COMMD7: variants seen among roughly 807,000 people sequenced by gnomAD.
COMMD7 encodes COMM domain-containing protein 7.
COMMD7 carries 28 observed loss-of-function variants against 34.8 expected under a neutral mutation model. That is an observed-to-expected ratio of 0.80 (90% CI 0.60 to 1.10). The LOEUF is 1.10. Among genes scored for constraint, COMMD7 ranks in the 50% least tolerant of loss-of-function variants. The probability of loss-of-function intolerance (pLI) is 0.00; values close to 1 mark genes in which losing one functional copy is unlikely to be tolerated. For missense variants in COMMD7, 211 were observed against 241.6 expected (o/e 0.87, Z 0.84); for synonymous variants, 80 against 86.4 (o/e 0.93, Z 0.41).
chr20:32,714,701 G>A (rs1004618903), intron 3 of COMMD7, among the ~76,000 whole-genome samples: 1 of 152,066 alleles, frequency 6.6e-6, no homozygotes, highest in Non-Finnish European at 1.5e-5. Flanking sequence ...GTGCATGGCT[G>A]TAGTCCCAGC....
chr20:32,737,675 T>A (rs1053541225), intron 1 of COMMD7, among the ~76,000 whole-genome samples: 1 of 149,022 alleles, frequency 6.7e-6, no homozygotes, highest in African/African-American at 2.5e-5. Flanking sequence ...TAAAAAAAAT[T>A]AAAAAATAAA....
intron 3 of COMMD7, among the ~76,000 whole-genome samples, chr20:32,710,563 T>C (rs1450256026): frequency 2.0e-5 from 3 of 151,304 alleles, no homozygotes; most frequent in African/African-American, 4.9e-5. Context: ...AGACCCCATC[T>C]CTACAAAATA....
Position 32,728,135 on chromosome 20 carries a change from G to A in COMMD7, c.92C>T (p.Ser31Leu). ...QLNQLGAQQF[S>L]ALTEVLFHFL... ...GTGGAAAAGCACCTCTGTCAGGGCT[G>A]AGAACTGCTGTGAAGAAAACAACAC... The change falls in exon 2 of 9, where the codon TCA becomes TTA. Residue 31 changes from serine (S) to leucine (L), a missense_variant. Transcript: ENST00000278980. 6.2e-7 allele frequency: 1 copy of A among 1,614,080 alleles called. No individual in the cohort carries two copies. The highest frequency in any genetic ancestry group is 8.5e-7 in the Non-Finnish European group (1 of 1,180,010).
rs529167558 is a variant in COMMD7 at position 32,732,422 on chromosome 20, C to T, written c.85-4280G>A. On this transcript the variant is annotated intron_variant, in intron 1 of 8. Coordinates refer to ENST00000278980, the MANE Select transcript of COMMD7 (RefSeq NM_053041.3). ...AAATTTTTAAAGTGATTATACCCCT[C>T]GACCTAGTAATTCCATTCCATGAAG... 3.9e-5 allele frequency among the ~76,000 whole-genome samples: 6 copies of T among 152,254 alleles called. No homozygotes were observed. The East Asian group carries it at 7.7e-4, about 20-fold the overall frequency.
chr20:32,714,252 T>C (rs902802179), intron 3 of COMMD7, among the ~76,000 whole-genome samples: 8 of 152,218 alleles, frequency 5.3e-5, no homozygotes, highest in Admixed American at 4.6e-4. Flanking sequence ...TACATTTCAT[T>C]GCTGATTATT....
In COMMD7 at chr20:32,743,433, C is replaced by G. The variant is rs1023549681; in HGVS notation, c.-42G>C. On this transcript the variant is annotated 5_prime_UTR_variant, in exon 1 of 9. Coordinates refer to ENST00000278980, the MANE Select transcript of COMMD7 (RefSeq NM_053041.3). ...CCGCAGGTTCCACCGCCGCCGCCGC[C>G]CTGCTCAGCTTCCTCCTCCGCTGCC... The G allele has an allele frequency of 4.7e-6, 6 of 1,278,826 alleles. No homozygotes were observed. The highest frequency in any genetic ancestry group is 6.0e-6 in the Non-Finnish European group (6 of 1,006,534). The allele number at this position is 1,278,826 out of a possible 1,614,324, so 79.2% of individuals were successfully genotyped here.
At chr20:32,733,485 G>A (rs1039925251) in intron 1 of COMMD7, among the ~76,000 whole-genome samples, 5 of 152,052 alleles carry the variant, frequency 3.3e-5, no homozygotes, top group Admixed American at 6.6e-5. Flanking sequence ...TTGGGAGGCC[G>A]AGGCGGGCAG....
intron 1 of COMMD7, among the ~76,000 whole-genome samples, chr20:32,731,274 C>T (rs984543986): frequency 2.0e-5 from 3 of 152,156 alleles, no homozygotes; most frequent in Non-Finnish European, 2.9e-5. Flanking sequence ...GTCATGATCA[C>T]ACCACTGAAC....
Position 32,722,936 on chromosome 20 carries a change from G to A in COMMD7, c.241+4957C>T, listed in dbSNP as rs534651457. Among the ~76,000 whole-genome samples the A allele has an allele frequency of 3.5e-3, 531 of 150,328 alleles. 5 individuals carry two copies. The highest frequency in any genetic ancestry group is 4.3e-3 in the Non-Finnish European group (292 of 67,736). ...ACTCGGGAGGCTGAGGCAGAATGGC[G>A]TGAACCTGGTAGGCAGAGCTTGCAG... On this transcript the variant is annotated intron_variant, in intron 3 of 8. Transcript: ENST00000278980.
chr20:32,738,287 A>G (rs935092036), intron 1 of COMMD7, among the ~76,000 whole-genome samples: 3 of 152,106 alleles, frequency 2.0e-5, no homozygotes, highest in African/African-American at 7.2e-5. Flanking sequence ...CACCACTCTC[A>G]GCTAATTTTT....
intron 1 of COMMD7, among the ~76,000 whole-genome samples, chr20:32,738,364 A>G (rs6058851): frequency 0.69 from 104,313 of 152,018 alleles, 36,563 homozygotes; most frequent in Middle Eastern, 0.82. Context: ...CGAGGTGGGC[A>G]GGTTACAAGG....
rs1050586644 is a variant in COMMD7 at position 32,704,453 on chromosome 20, C to T, written c.464G>A (p.Ser155Asn). ...SGSSELEKVG[S>N]IFLQLKLVVK... ...GAGAAGACTTACTTGTAAAAATATACTTCCCACTTTCTCCAATTCGCTGCT... is the reference window on the plus strand; with the variant it reads ...GAGAAGACTTACTTGTAAAAATATATTTCCCACTTTCTCCAATTCGCTGCT... The change falls in exon 7 of 9, where the codon AGT (serine) becomes AAT (asparagine). Residue 155 changes from serine to asparagine, a missense_variant. Coordinates refer to ENST00000278980, the MANE Select transcript of COMMD7 (RefSeq NM_053041.3). 6 of 1,609,084 alleles carry T rather than the reference C, an allele frequency of 3.7e-6. No individual in the cohort carries two copies. The highest frequency in any genetic ancestry group is 1.7e-5 in the Admixed American group (1 of 59,032).
intron 3 of COMMD7, among the ~76,000 whole-genome samples, chr20:32,713,482 C>T (rs1984592756): frequency 6.6e-6 from 1 of 152,216 alleles, no homozygotes; most frequent in Non-Finnish European, 1.5e-5. Context: ...AAACAGCAAA[C>T]ATTGTTCTTA....
At chr20:32,733,039 C>A (rs1275350366) in intron 1 of COMMD7, among the ~76,000 whole-genome samples, 1 of 151,236 alleles carries the variant, frequency 6.6e-6, no homozygotes, top group African/African-American at 2.4e-5. Flanking sequence ...AGTTTGAGAT[C>A]AGCCTGGCCA....
At chr20:32,738,056 C>T (rs1362918135) in intron 1 of COMMD7, among the ~76,000 whole-genome samples, 1 of 152,094 alleles carries the variant, frequency 6.6e-6, no homozygotes, top group Non-Finnish European at 1.5e-5. Flanking sequence ...AGCTAAGCTA[C>T]CACCATAGGC....
At chr20:32,736,718 A>T (rs778847824) in intron 1 of COMMD7, among the ~76,000 whole-genome samples, 2 of 151,804 alleles carry the variant, frequency 1.3e-5, no homozygotes, top group African/African-American at 4.8e-5. Context: ...CAATAAAGGT[A>T]AAGGTTTACA....
At position 32,737,947 on chromosome 20, in the gene COMMD7, TAA is replaced by T. The variant is rs34007684; in HGVS notation, c.84+5359_84+5360del. Among the ~76,000 whole-genome samples the T allele has an allele frequency of 2.6e-3, 376 of 144,582 alleles. 1 individual carries two copies. Among genetic ancestry groups the T allele is most frequent in the African/African-American group, 4.6e-3 (182 of 39,598 alleles). 94.9% of individuals were successfully genotyped at this position (144,582 alleles called of 152,430 possible). On this transcript the variant is annotated intron_variant, in intron 1 of 8. Transcript: ENST00000278980. Reference sequence around the variant, plus strand: ...TTACAGATCATACAATCCAGTATCTTAAAAAAAAAAAAAAGAAAAAAACTTTG... The same window carrying T: ...TTACAGATCATACAATCCAGTATCTTAAAAAAAAAAAAGAAAAAAACTTTG...
intron 3 of COMMD7, among the ~76,000 whole-genome samples, chr20:32,716,055 A>G (rs1888421697): frequency 6.6e-6 from 1 of 152,112 alleles, no homozygotes; most frequent in African/African-American, 2.4e-5. Flanking sequence ...TGGGTCTCAG[A>G]GCTGTTAAAT....
intron 3 of COMMD7, among the ~76,000 whole-genome samples, chr20:32,714,754 G>A (rs1049341379): frequency 5.3e-5 from 8 of 151,988 alleles, no homozygotes; most frequent in Non-Finnish European, 7.4e-5. Context: ...AACCTGGGAG[G>A]TGGAGGTTGT....
Sources: allele counts gnomAD v4.1 joint callset (sites outside exome capture counted in the v4.1 genomes callset), GRCh38; gene constraint gnomAD v4.1.1; transcripts MANE v1.5; gene names NCBI Gene and HGNC (gene_info 2026-07-23, HGNC 2026-07-21).